MED13L: variants seen among roughly 807,000 people sequenced by gnomAD.
MED13L encodes the protein mediator of RNA polymerase II transcription subunit 13-like.
MED13L carries 7 observed loss-of-function variants against 220.9 expected under a neutral mutation model. The observed-to-expected ratio is 0.03, with a 90% confidence interval of 0.02 to 0.06. The LOEUF (loss-of-function observed/expected upper bound fraction) is 0.06. MED13L is among the 10% of genes least tolerant of loss of function. MED13L has a pLI of 1.00. For synonymous variants in MED13L, 1,011 were observed against 1,015.2 expected (o/e 1.00, Z 0.08); for missense variants, 1,965 against 2,760.5 (o/e 0.71, Z 6.46).
intron 5 of MED13L, among the ~76,000 whole-genome samples, 168 bp from the exon 6 acceptor site, chr12:116,020,140 A>T (rs1356803124): frequency 6.6e-6 from 1 of 152,122 alleles, no homozygotes; most frequent in African/African-American, 2.4e-5. Flanking sequence ...TTTAAAAATT[A>T]TTTTTGTAGA....
intron 1 of MED13L, among the ~76,000 whole-genome samples, chr12:116,261,694 A>G (rs1488962898): frequency 5.3e-5 from 8 of 152,146 alleles, no homozygotes; most frequent in Admixed American, 5.2e-4. Flanking sequence ...CAGCAGATAG[A>G]TATTGCCAAC....
chr12:116,136,649 G>A (rs1876580280), intron 2 of MED13L, among the ~76,000 whole-genome samples: 1 of 152,180 alleles, frequency 6.6e-6, no homozygotes, highest in Non-Finnish European at 1.5e-5. Flanking sequence ...TTTTTGCTAT[G>A]AACAGAAACC....
intron 2 of MED13L, among the ~76,000 whole-genome samples, chr12:116,162,536 T>C (rs1044014412): frequency 4.6e-5 from 7 of 152,238 alleles, no homozygotes; most frequent in Non-Finnish European, 8.8e-5. Flanking sequence ...TCATGTTGAA[T>C]GTAAAGGCAT....
intron 23 of MED13L, among the ~76,000 whole-genome samples, chr12:115,976,690 A>G (rs1876964447): frequency 6.6e-6 from 1 of 152,240 alleles, no homozygotes; most frequent in Non-Finnish European, 1.5e-5. Context: ...GTTACCAAAT[A>G]TAAATATTTT....
chr12:116,261,492 CA>C (rs35601745), intron 1 of MED13L, among the ~76,000 whole-genome samples: 1,392 of 58,144 alleles, frequency 0.024, 17 homozygotes, highest in African/African-American at 0.057. Context: ...AACTCAGTCT[CA>C]AAAAAAAAAA....
intron 1 of MED13L, among the ~76,000 whole-genome samples, chr12:116,272,753 T>C (rs1344735323): frequency 1.3e-5 from 2 of 152,210 alleles, no homozygotes; most frequent in African/African-American, 4.8e-5. Flanking sequence ...AGGTACATTA[T>C]TGTCTCTTTA....
chr12:116,228,642 T>C (rs1869244937), intron 2 of MED13L, among the ~76,000 whole-genome samples: 1 of 152,218 alleles, frequency 6.6e-6, no homozygotes, highest in Non-Finnish European at 1.5e-5. Context: ...ATGTGAACAG[T>C]ACAACCAACC....
At chr12:116,095,636 T>C (rs12319635) in intron 4 of MED13L, among the ~76,000 whole-genome samples, 1,960 of 152,296 alleles carry the variant, frequency 0.013, 57 homozygotes, top group African/African-American at 0.044. Flanking sequence ...TATGTAAGGC[T>C]TCAAGGGCTC....
intron 3 of MED13L, among the ~76,000 whole-genome samples, chr12:116,109,817 G>C (rs925127635): frequency 4.6e-5 from 7 of 152,208 alleles, no homozygotes; most frequent in African/African-American, 1.7e-4. Flanking sequence ...CTTAGTAACA[G>C]ATGATTTCTA....
At chr12:116,187,508 T>C (rs1309600136) in intron 2 of MED13L, among the ~76,000 whole-genome samples, 1 of 152,226 alleles carries the variant, frequency 6.6e-6, no homozygotes, top group Non-Finnish European at 1.5e-5. Context: ...GCTGGACACA[T>C]ATTGTTTTAT....
chr12:116,176,843 C>T (rs1357073818), intron 2 of MED13L, among the ~76,000 whole-genome samples: 1 of 142,480 alleles, frequency 7.0e-6, no homozygotes, highest in Admixed American at 7.5e-5. Flanking sequence ...ATGGCTCTGA[C>T]CTGTGGTACA....
At chr12:116,212,280 T>C (rs1363773617) in intron 2 of MED13L, among the ~76,000 whole-genome samples, 1 of 152,200 alleles carries the variant, frequency 6.6e-6, no homozygotes, top group Non-Finnish European at 1.5e-5. Context: ...AATATCCTCT[T>C]AGAAACAAAC....
intron 4 of MED13L, among the ~76,000 whole-genome samples, chr12:116,058,606 T>C (rs1869166113): frequency 6.6e-6 from 1 of 152,208 alleles, no homozygotes; most frequent in African/African-American, 2.4e-5. Context: ...CAATACGTTT[T>C]TGAAGATCAT....
At chr12:116,161,752 C>T (rs985004015) in intron 2 of MED13L, among the ~76,000 whole-genome samples, 11 of 152,184 alleles carry the variant, frequency 7.2e-5, no homozygotes, top group Non-Finnish European at 1.2e-4. Flanking sequence ...ATTACGTCAA[C>T]GCTAACAAAA....
chr12:116,229,074 G>C (rs1269397241), intron 2 of MED13L, among the ~76,000 whole-genome samples: 2 of 152,160 alleles, frequency 1.3e-5, no homozygotes, highest in Admixed American at 1.3e-4. Flanking sequence ...ATCACACCAG[G>C]CCACAACAGC....
At chr12:116,133,475 G>A (rs1169716673) in intron 2 of MED13L, among the ~76,000 whole-genome samples, 4 of 152,134 alleles carry the variant, frequency 2.6e-5, no homozygotes, top group Non-Finnish European at 5.9e-5. Context: ...GTTCTGCTCA[G>A]AAGCTGGTCT....
intron 4 of MED13L, among the ~76,000 whole-genome samples, chr12:116,067,526 G>A (rs1870039992): frequency 6.6e-6 from 1 of 152,200 alleles, no homozygotes; most frequent in African/African-American, 2.4e-5. Context: ...AAAAGTAGAT[G>A]CCTCATCTCC....
intron 4 of MED13L, among the ~76,000 whole-genome samples, chr12:116,039,456 C>T (rs769557578): frequency 2.6e-5 from 4 of 152,198 alleles, no homozygotes; most frequent in Non-Finnish European, 4.4e-5. Context: ...CATAGAGCTA[C>T]ACCAGAGGCA....
At chr12:116,032,920 G>T (rs1880943411) in intron 4 of MED13L, among the ~76,000 whole-genome samples, 1 of 152,240 alleles carries the variant, frequency 6.6e-6, no homozygotes, top group Non-Finnish European at 1.5e-5. Flanking sequence ...AAAGAAGACG[G>T]ATGGGAGAGG....
Sources: allele counts gnomAD v4.1 joint callset (sites outside exome capture counted in the v4.1 genomes callset), GRCh38; gene constraint gnomAD v4.1.1; transcripts MANE v1.5; gene names NCBI Gene and HGNC (gene_info 2026-07-23, HGNC 2026-07-21).